Variants in ZFHX2 observed in about 807,000 individuals in gnomAD.
ZFHX2 encodes the protein zinc finger homeobox protein 2.
ZFHX2 carries 75 observed loss-of-function variants against 164.8 expected under a neutral mutation model. The observed-to-expected ratio is 0.46, with a 90% confidence interval of 0.38 to 0.55. The LOEUF is 0.55. Ranked by LOEUF, ZFHX2 falls within the 20% of genes least tolerant of loss-of-function variation. ZFHX2 has a pLI of 0.00. For synonymous variants in ZFHX2, 1,217 were observed against 1,351.4 expected, an observed-to-expected ratio of 0.90 and a Z score of 2.18; for missense variants, 2,933 against 3,308.0, an observed-to-expected ratio of 0.89 and a Z score of 2.78.
Position 23,533,461 on chromosome 14 carries a change from C to T in ZFHX2, c.1865G>A (p.Gly622Glu). Reference sequence around the variant, plus strand: ...TTCAGGGGGGCTAGTGGGGGTAGCCCCTGGTGGGGGAGGAGGGCCTGGCCC... The same window carrying T: ...TTCAGGGGGGCTAGTGGGGGTAGCCTCTGGTGGGGGAGGAGGGCCTGGCCC... The part of the protein sequence containing the change: ...LMGPGPPPPP[G>E]ATPTSPPELF... The change falls in exon 2 of 10, where the codon GGG becomes GAG. Residue 622 changes from glycine (G) to glutamate (E), a missense_variant. Physicochemically the swap from Gly to Glu is moderately conservative, Grantham distance 98 (BLOSUM62 -2). Transcript: ENST00000419474. The surrounding 1 kb of genome is among the most constrained non-coding windows in gnomAD (Gnocchi z 4.8). The T allele has an allele frequency of 6.5e-7, 1 of 1,534,978 alleles. No individual in the cohort carries two copies. The highest frequency in any genetic ancestry group is 8.7e-7 in the Non-Finnish European group (1 of 1,146,118).
At position 23,521,233 on chromosome 14, in the gene ZFHX2, C is replaced by G. The variant is rs952285352; in HGVS notation, c.*729G>C. 4 of 152,278 alleles carry G rather than the reference C, an allele frequency of 2.6e-5. No individual in the cohort carries two copies. The highest frequency in any genetic ancestry group is 9.7e-5 in the African/African-American group (4 of 41,418). The allele number at this position is 152,278 out of a possible 1,614,324, so 9.4% of individuals were successfully genotyped here. On this transcript the variant is annotated 3_prime_UTR_variant, in exon 10 of 10. Coordinates refer to ENST00000419474, the MANE Select transcript of ZFHX2 (RefSeq NM_033400.3). ...CCCTAGAGTCCAGGCCACAGGGGCT[C>G]CCCTGTCAGGCAAGGAGAGGGTTAG...
At position 23,523,748 on chromosome 14, in the gene ZFHX2, T is replaced by C. The variant is rs1297617093; in HGVS notation, c.6194A>G (p.Gln2065Arg). 3.9e-6 allele frequency: 6 copies of C among 1,536,114 alleles called. No homozygotes were observed. In the East Asian group the frequency reaches 9.8e-5, roughly 25 times the overall value. Residue 2065 changes from glutamine to arginine, a missense_variant, in exon 9 of 10, where the codon CAG becomes CGG. Gln to Arg is a conservative substitution (Grantham distance 43, BLOSUM62 1). Transcript: ENST00000419474. This position sits in a 1 kb window ranked among gnomAD's most constrained non-coding sequence, Gnocchi z 4.1. The stretch of plus-strand genomic sequence containing the variant: ...GCTCATCTGGGTCCTGTAGCGCCGC[T>C]GCCCCATTCCATCTGGAACCCCAGT... ...GGTGVPDGMG[Q>R]RRYRTQMSSL...
At chr14:23,549,458 T>TATC (rs1881742969) in intron 1 of ZFHX2, among the ~76,000 whole-genome samples, 2 of 152,176 alleles carry the variant, frequency 1.3e-5, no homozygotes, top group Non-Finnish European at 2.9e-5. Context: ...CCAGATCCTT[T>TATC]ATCCACCCTT....
In ZFHX2 at chr14:23,524,490, G is replaced by A. The variant is rs1417834609; in HGVS notation, c.5452C>T (p.Leu1818=). ...PLLVFGERNP[L]VAATSPMPGP... ...GGCATTGGTGAGGTGGCTGCCACCA[G>A]GGGGTTTCTCTCCCCAAACACCAGC... Residue 1818 remains leucine, a synonymous_variant, in exon 9 of 10, where the codon CTG becomes TTG. Coordinates refer to ENST00000419474, the MANE Select transcript of ZFHX2 (RefSeq NM_033400.3). This position sits in a 1 kb window ranked among gnomAD's most constrained non-coding sequence, Gnocchi z 5.6. 1.3e-6 allele frequency: 2 copies of A among 1,529,704 alleles called. No individual in the cohort carries two copies. The highest frequency in any genetic ancestry group is 8.7e-7 in the Non-Finnish European group (1 of 1,143,272). The allele number at this position is 1,529,704 out of a possible 1,614,324, so 94.8% of individuals were successfully genotyped here.
At chr14:23,528,481 G>T in intron 6 of ZFHX2, 1 of 558,904 alleles carries the variant, frequency 1.8e-6, no homozygotes. Flanking sequence ...CCCCACCTTG[G>T]ATTTAGTTTT....
Position 23,535,108 on chromosome 14 carries a change from A to G in ZFHX2, c.218T>C (p.Ile73Thr). The change falls in exon 2 of 10, where the codon ATT becomes ACT. Residue 73 changes from isoleucine to threonine, a missense_variant. Physicochemically the swap from Ile to Thr is moderately conservative, Grantham distance 89 (BLOSUM62 -1). Transcript: ENST00000419474. This position sits in a 1 kb window ranked among gnomAD's most constrained non-coding sequence, Gnocchi z 4.5. ...SGCGLVPPKE[I>T]GEPQEGPDCG... ...GTCAGGCCCTTCCTGGGGCTCCCCA[A>G]TCTCCTTTGGTGGGACGAGGCCACA... 1 of 1,536,086 alleles carries G rather than the reference A, an allele frequency of 6.5e-7. No individual in the cohort carries two copies. Among genetic ancestry groups the G allele is most frequent in the East Asian group, 2.4e-5 (1 of 40,902 alleles).
chr14:23,542,112 G>T, intron 1 of ZFHX2: 1 of 152,606 alleles, frequency 6.6e-6, no homozygotes. Flanking sequence ...GAAGTGAAGA[G>T]GAAGATGAAG....
chr14:23,537,032 C>T (rs1324002191), intron 1 of ZFHX2, among the ~76,000 whole-genome samples: 1 of 152,060 alleles, frequency 6.6e-6, no homozygotes, highest in African/African-American at 2.4e-5. Flanking sequence ...CCCAGCTACT[C>T]AGGAGGCTGA....
Position 23,546,249 on chromosome 14 carries a change from G to C in ZFHX2, c.-50+5094C>G, listed in dbSNP as rs1192248303. On this transcript the variant is annotated intron_variant, in intron 1 of 9. Transcript: ENST00000419474. The surrounding 1 kb of genome is among the most constrained non-coding windows in gnomAD (Gnocchi z 4.7). ...CTGTGCATGCGACATTCCAGTTGATGGTCCTGCTGGGAATTCCAAGGCCTG... is the reference window on the plus strand; with the variant it reads ...CTGTGCATGCGACATTCCAGTTGATCGTCCTGCTGGGAATTCCAAGGCCTG... 6.6e-6 allele frequency among the ~76,000 whole-genome samples: 1 copy of C among 152,130 alleles called. No homozygotes were observed. Among genetic ancestry groups the C allele is most frequent in the Admixed American group, 6.5e-5 (1 of 15,280 alleles).
chr14:23,544,531 TG>T (rs1450705299), intron 1 of ZFHX2, among the ~76,000 whole-genome samples: 1 of 152,230 alleles, frequency 6.6e-6, no homozygotes, highest in Non-Finnish European at 1.5e-5. Flanking sequence ...TCTCCCTGGC[TG>T]GATTTTCCCA....
At chr14:23,547,379 A>T (rs571204524) in intron 1 of ZFHX2, among the ~76,000 whole-genome samples, 3 of 152,236 alleles carry the variant, frequency 2.0e-5, no homozygotes, top group African/African-American at 7.2e-5. Flanking sequence ...GACCAATTCA[A>T]TTGTAGTTTC....
rs543181075 is a variant in ZFHX2 at position 23,521,322 on chromosome 14, G to C, written c.*640C>G. The C allele has an allele frequency of 1.3e-5, 2 of 152,670 alleles. No individual in the cohort carries two copies. Among genetic ancestry groups the C allele is most frequent in the East Asian group, 1.9e-4 (1 of 5,186 alleles). The allele number at this position is 152,670 out of a possible 1,614,324, so 9.5% of individuals were successfully genotyped here. A position where few individuals can be genotyped will look rare whatever the true frequency, so the allele number is the denominator to read the frequency against. ...CCCATGCCAGCCTCCAGTTTGGTTA[G>C]AGTTTTGTGGGCTCCCTGCCCATGC... On this transcript the variant is annotated 3_prime_UTR_variant, in exon 10 of 10. Coordinates refer to ENST00000419474, the MANE Select transcript of ZFHX2 (RefSeq NM_033400.3).
At position 23,531,528 on chromosome 14, in the gene ZFHX2, G is replaced by C. The variant is rs755122085; in HGVS notation, c.2753C>G (p.Ala918Gly). ...GCTGAAGCTCAGGATGCTCTGAAGAGCTGCGAGTCCTTCCTCAGTGGTTGG... is the reference window on the plus strand; with the variant it reads ...GCTGAAGCTCAGGATGCTCTGAAGACCTGCGAGTCCTTCCTCAGTGGTTGG... The part of the protein sequence containing the change: ...NGPTTEEGLA[A>G]LQSILSFSHG... Residue 918 changes from alanine (A) to glycine (G), a missense_variant, in exon 4 of 10, where the codon GCT (alanine) becomes GGT (glycine). By Grantham distance (60) the Ala-to-Gly change is moderately conservative (BLOSUM62 0). Coordinates refer to ENST00000419474, the MANE Select transcript of ZFHX2 (RefSeq NM_033400.3). The C allele has an allele frequency of 5.9e-5, 88 of 1,503,198 alleles. No individual in the cohort carries two copies. Among genetic ancestry groups the C allele is most frequent in the Admixed American group, 4.7e-4 (23 of 48,556 alleles). 93.1% of individuals were successfully genotyped at this position (1,503,198 alleles called of 1,614,324 possible).
At chr14:23,530,249 G>C in intron 4 of ZFHX2, 55 bp from the exon 5 acceptor site, 1 of 1,315,336 alleles carries the variant, frequency 7.6e-7, no homozygotes, top group Non-Finnish European at 1.1e-6. Flanking sequence ...AGGGAAGGGA[G>C]GACATAGGAC....
Position 23,522,509 on chromosome 14 carries a change from G to A in ZFHX2, c.7172C>T (p.Thr2391Ile), listed in dbSNP as rs746725468. Residue 2391 changes from threonine (T) to isoleucine (I), a missense_variant, in exon 10 of 10, where the codon ACC becomes ATC. By Grantham distance (89) the Thr-to-Ile change is moderately conservative (BLOSUM62 -1). Coordinates refer to ENST00000419474, the MANE Select transcript of ZFHX2 (RefSeq NM_033400.3). ...GGCATTGGGGAGCAGCCCAATGAGG[G>A]TCTGAGGTATCATGGGGTTCATGGG... is the stretch of plus-strand genomic sequence containing the variant. ...LFPMNPMIPQ[T>I]LIGLLPNALL... is the part of the protein sequence containing the mutation. The A allele has an allele frequency of 1.3e-6, 2 of 1,531,978 alleles. No homozygotes were observed. Among genetic ancestry groups the A allele is most frequent in the Admixed American group, 3.9e-5 (2 of 50,668 alleles). The allele number at this position is 1,531,978 out of a possible 1,614,324, so 94.9% of individuals were successfully genotyped here. A position where few individuals can be genotyped will look rare whatever the true frequency, so the allele number is the denominator to read the frequency against.
chr14:23,532,729 C>T lies in ZFHX2; in HGVS notation c.2397G>A (p.Met799Ile), dbSNP rs781295483. 2.2e-5 allele frequency: 34 copies of T among 1,535,650 alleles called. No homozygotes were observed. The highest frequency in any genetic ancestry group is 2.6e-5 in the Non-Finnish European group (30 of 1,146,628). Reference sequence around the variant, plus strand: ...CCAGGGATGCTGGGGAAGGGGTGCCCATGGCTCCACCCCCCTCCCGCAGGT... The same window carrying T: ...CCAGGGATGCTGGGGAAGGGGTGCCTATGGCTCCACCCCCCTCCCGCAGGT... The part of the protein sequence containing the change: ...AAHLREGGGA[M>I]GTPSPASLGD... The change falls in exon 3 of 10, where the codon ATG becomes ATA. Residue 799 changes from methionine to isoleucine, a missense_variant. Physicochemically the swap from Met to Ile is conservative, Grantham distance 10. Transcript: ENST00000419474.
Position 23,532,868 on chromosome 14 carries a change from A to T in ZFHX2, c.2258T>A (p.Val753Glu). The change falls in exon 3 of 10, where the codon GTG becomes GAG. Residue 753 changes from valine (V) to glutamate (E), a missense_variant. Transcript: ENST00000419474. ...CTTGCAGCGGTGGGTGTCACCAGCC[A>T]CCTCCTTCCATTCAGCTTCCGGGAG... ...RSLPEAEWKE[V>E]AGDTHRCKLC... 6.5e-7 allele frequency: 1 copy of T among 1,536,100 alleles called. No homozygotes were observed. The highest frequency in any genetic ancestry group is 1.4e-5 in the African/African-American group (1 of 73,114).
At position 23,521,132 on chromosome 14, in the gene ZFHX2, A is replaced by T. The variant is rs1331744531; in HGVS notation, c.*830T>A. ...CCGCTGAGAGGATCTCTGTGTTTAAAGCCTTTGAGAATAAGTTACTGCAGT... is the reference window on the plus strand; with the variant it reads ...CCGCTGAGAGGATCTCTGTGTTTAATGCCTTTGAGAATAAGTTACTGCAGT... On this transcript the variant is annotated 3_prime_UTR_variant, in exon 10 of 10. Transcript: ENST00000419474. 2 of 152,268 alleles carry T rather than the reference A, an allele frequency of 1.3e-5. No homozygotes were observed. Among genetic ancestry groups the T allele is most frequent in the African/African-American group, 2.4e-5 (1 of 41,410 alleles). The allele number at this position is 152,268 out of a possible 1,614,324, so 9.4% of individuals were successfully genotyped here.
intron 4 of ZFHX2, 46 bp from the exon 5 acceptor site, chr14:23,530,240 G>T: frequency 1.4e-6 from 2 of 1,392,158 alleles, no homozygotes; most frequent in Non-Finnish European, 9.8e-7. Flanking sequence ...TGTGGCATCA[G>T]GGAAGGGAGG....
Sources: allele counts gnomAD v4.1 joint callset (sites outside exome capture counted in the v4.1 genomes callset), GRCh38; gene constraint gnomAD v4.1.1; non-coding constraint Gnocchi (gnomAD v3.1); transcripts MANE v1.5; gene names NCBI Gene and HGNC (gene_info 2026-07-23, HGNC 2026-07-21).